The following ANK2 variants were observed in gnomAD, a reference collection of about 807,000 sequenced individuals.
ANK2 encodes the protein ankyrin 2.
In ANK2, 83 loss-of-function variants were observed where a neutral mutation model predicts 360.5. The ratio of observed to expected loss-of-function variants is 0.23; its 90% CI spans 0.19 to 0.28. ANK2 has a LOEUF of 0.28. Among genes scored for constraint, ANK2 ranks in the 10% least tolerant of loss-of-function variants. The probability of loss-of-function intolerance (pLI) is 1.00; values close to 1 mark genes in which losing one functional copy is unlikely to be tolerated. For missense variants in ANK2, 4,201 were observed against 4,795.7 expected (o/e 0.88, Z 3.66); for synonymous variants, 1,740 against 1,759.5 (o/e 0.99, Z 0.28).
intron 3 of ANK2, 50 bp downstream of exon 3, chr4:113,196,516 A>T: frequency 6.9e-7 from 1 of 1,443,376 alleles, no homozygotes; most frequent in Non-Finnish European, 9.7e-7. Context: ...AGCGAAAATA[A>T]TTTAAAGCTT....
Position 113,358,730 on chromosome 4 carries a change from C to A in ANK2, c.10112C>A (p.Thr3371Lys). The change falls in exon 38 of 46, where the codon ACA becomes AAA. Residue 3371 changes from threonine to lysine, a missense_variant. Thr to Lys is a moderately conservative substitution (Grantham distance 78). This residue lies in a region of ANK2 where 2,642 missense variants were observed against 2,714.5 expected (regional missense o/e 0.97). Coordinates refer to ENST00000357077, the MANE Select transcript of ANK2 (RefSeq NM_001148.6). ...GATCTAGACACCTCTGTCCAGAAGA[C>A]AGTGGCTCCTCAGGGACAGGACATG... ...LSDLDTSVQK[T>K]VAPQGQDMAS... 6.2e-7 allele frequency: 1 copy of A among 1,614,120 alleles called. No homozygotes were observed. Among genetic ancestry groups the A allele is most frequent in the Middle Eastern group, 1.7e-4 (1 of 6,060 alleles).
chr4:112,721,316 G>T, the ANK2 span, among the ~76,000 whole-genome samples: 1 of 152,068 alleles, frequency 6.6e-6, no homozygotes, highest in East Asian at 1.9e-4. Flanking sequence ...AAGGCAGGTG[G>T]ATCACTGGAG....
intron 36 of ANK2, among the ~76,000 whole-genome samples, chr4:113,349,242 A>C (rs1199522128): frequency 6.6e-6 from 1 of 152,120 alleles, no homozygotes; most frequent in Non-Finnish European, 1.5e-5. Context: ...AGATCTGAAA[A>C]TGCCCAAATA....
rs749557424 is a variant in ANK2, at chr4:113,355,800, A to G, written c.7182A>G (p.Gly2394=). Residue 2394 remains glycine, a synonymous_variant, in exon 38 of 46, where the codon GGA becomes GGG. Coordinates refer to ENST00000357077, the MANE Select transcript of ANK2 (RefSeq NM_001148.6). ...LPEASVKTDT[G]TESKPQGVIR... is the part of the protein sequence containing the mutation. ...AGGCTTCTGTAAAGACAGATACAGGAACTGAATCAAAACCTCAGGGAGTCA... is the reference window on the plus strand; with the variant it reads ...AGGCTTCTGTAAAGACAGATACAGGGACTGAATCAAAACCTCAGGGAGTCA... The G allele has an allele frequency of 3.1e-6, 5 of 1,613,960 alleles. No individual in the cohort carries two copies. In the African/African-American group the frequency reaches 6.7e-5, roughly 22 times the overall value.
chr4:113,361,654 T>C (rs1422903090), intron 39 of ANK2, among the ~76,000 whole-genome samples: 2 of 151,624 alleles, frequency 1.3e-5, no homozygotes, highest in Non-Finnish European at 1.5e-5. Flanking sequence ...ATAATACTCA[T>C]AAAGATAACT....
chr4:113,196,074 A>G (rs2098742471), intron 2 of ANK2, among the ~76,000 whole-genome samples: 2 of 152,204 alleles, frequency 1.3e-5, no homozygotes, highest in African/African-American at 2.4e-5. Flanking sequence ...ATGGTATAAA[A>G]TTGTTCTCTT....
At chr4:113,078,617 A>G (rs2081093639) in intron 1 of ANK2, among the ~76,000 whole-genome samples, 1 of 152,132 alleles carries the variant, frequency 6.6e-6, no homozygotes, top group Non-Finnish European at 1.5e-5. Flanking sequence ...TATTATTGCC[A>G]TTTTAAAGAT....
chr4:113,277,800 A>G (rs2060772079), intron 15 of ANK2, 37 bp from the exon 16 acceptor site: 1 of 1,526,784 alleles, frequency 6.5e-7, no homozygotes, highest in Non-Finnish European at 9.1e-7. Context: ...AGTTACAACA[A>G]TAAATACGAT....
intron 14 of ANK2, among the ~76,000 whole-genome samples, chr4:113,269,163 T>C (rs2057479690): frequency 6.6e-6 from 1 of 152,216 alleles, no homozygotes; most frequent in African/African-American, 2.4e-5. Flanking sequence ...TTCAGACTGC[T>C]GTGCTGGCAG....
chr4:113,332,516 A>T (rs1353083080), intron 28 of ANK2, among the ~76,000 whole-genome samples: 1 of 152,244 alleles, frequency 6.6e-6, no homozygotes, highest in Admixed American at 6.5e-5. Context: ...GAGGGGCTCA[A>T]TTAGGGCCAC....
chr4:113,255,329 A>G (rs1386760210), intron 10 of ANK2, among the ~76,000 whole-genome samples: 1 of 152,144 alleles, frequency 6.6e-6, no homozygotes, highest in Non-Finnish European at 1.5e-5. Flanking sequence ...TCATTCACCC[A>G]CTTCCCTCTG....
chr4:112,715,173 C>T, the ANK2 span, among the ~76,000 whole-genome samples: 1 of 152,164 alleles, frequency 6.6e-6, no homozygotes, highest in African/African-American at 2.4e-5. Flanking sequence ...TATAAGTCCT[C>T]TCTGTGTGGA....
intron 2 of ANK2, among the ~76,000 whole-genome samples, chr4:112,961,171 T>C (rs2034623157): frequency 6.6e-6 from 1 of 152,138 alleles, no homozygotes; most frequent in Admixed American, 6.5e-5. Context: ...GCTATTTCCT[T>C]GTCCGGGTGG....
chr4:113,184,544 C>T (rs561723846), intron 2 of ANK2, among the ~76,000 whole-genome samples: 1 of 152,270 alleles, frequency 6.6e-6, no homozygotes, highest in East Asian at 1.9e-4. Context: ...GCACTACAAA[C>T]ACAGGTGGTG....
chr4:113,181,976 G>C, intron 2 of ANK2, among the ~76,000 whole-genome samples: 1 of 131,002 alleles, frequency 7.6e-6, no homozygotes, highest in Non-Finnish European at 1.6e-5. Context: ...AGTCTTAATA[G>C]TAAGGCTCAG....
chr4:113,232,212 G>A lies in ANK2; in HGVS notation c.436G>A (p.Val146Ile). Residue 146 changes from valine (V) to isoleucine (I), a missense_variant, in exon 5 of 46, where the codon GTA (valine) becomes ATA (isoleucine). Val to Ile is a conservative substitution (Grantham distance 29). Around this residue, in one of 4 missense-constraint regions of ANK2, gnomAD observed 169 missense variants for 191.1 expected, o/e 0.88. Transcript: ENST00000357077. ...TGCCCAAGAGAATCACATTGATGTT[G>A]TAAAATATTTGCTGGAAAATGGAGC... ...MAAQENHIDV[V>I]KYLLENGANQ... 6.2e-7 allele frequency: 1 copy of A among 1,608,572 alleles called. No individual in the cohort carries two copies. The highest frequency in any genetic ancestry group is 8.5e-7 in the Non-Finnish European group (1 of 1,175,102).
chr4:112,826,645 G>A (rs775920359), intron 1 of ANK2: 60 of 1,081,340 alleles, frequency 5.5e-5, no homozygotes, highest in Non-Finnish European at 7.9e-5. Context: ...AGTGAAAAAC[G>A]GGTGACCACA....
chr4:112,946,302 T>C (rs1463877692), intron 2 of ANK2, among the ~76,000 whole-genome samples: 1 of 152,124 alleles, frequency 6.6e-6, no homozygotes, highest in African/African-American at 2.4e-5. Flanking sequence ...TGGGGTCGGC[T>C]TTCAGGAGCT....
intron 2 of ANK2, among the ~76,000 whole-genome samples, chr4:113,042,368 T>C (rs1465608785): frequency 6.6e-6 from 1 of 152,174 alleles, no homozygotes; most frequent in Admixed American, 6.6e-5. Context: ...AGGTGTTTTA[T>C]TGTGGGACTT....
Sources: allele counts gnomAD v4.1 joint callset (sites outside exome capture counted in the v4.1 genomes callset), GRCh38; gene constraint gnomAD v4.1.1; regional missense constraint gnomAD v4.1.1; transcripts MANE v1.5; gene names NCBI Gene and HGNC (gene_info 2026-07-23, HGNC 2026-07-21).